The following CCDC91 variants were observed in gnomAD, a reference collection of about 807,000 sequenced individuals.
CCDC91 encodes the protein coiled-coil domain-containing protein 91.
Under a neutral mutation model 63.2 loss-of-function variants are expected in CCDC91, and 48 were observed. That is an observed-to-expected ratio of 0.76 (90% confidence interval 0.60 to 0.97). The LOEUF is 0.97. Among genes scored for constraint, CCDC91 ranks in the 50% least tolerant of loss-of-function variants. CCDC91 has a pLI of 0.00. For synonymous variants in CCDC91, 167 were observed against 165.8 expected, an observed-to-expected ratio of 1.01 and a Z score of -0.06; for missense variants, 500 against 494.6, an observed-to-expected ratio of 1.01 and a Z score of -0.10.
At chr12:28,478,894 C>T (rs1012487901) in intron 11 of CCDC91, among the ~76,000 whole-genome samples, 3 of 151,956 alleles carry the variant, frequency 2.0e-5, no homozygotes, top group African/African-American at 7.2e-5. Context: ...AGAGAAATGC[C>T]AATCAAAACC....
intron 6 of CCDC91, among the ~76,000 whole-genome samples, chr12:28,351,466 T>G (rs1268285366): frequency 1.3e-5 from 2 of 152,214 alleles, no homozygotes; most frequent in African/African-American, 4.8e-5. Flanking sequence ...TTTCTGGACC[T>G]GTGACTCTAG....
intron 11 of CCDC91, among the ~76,000 whole-genome samples, chr12:28,453,488 A>G (rs990486654): frequency 6.6e-6 from 1 of 152,034 alleles, no homozygotes; most frequent in Non-Finnish European, 1.5e-5. Flanking sequence ...AAGCCGTAAA[A>G]AGCTCAAAGT....
chr12:28,307,926 G>A (rs563874382), intron 6 of CCDC91, among the ~76,000 whole-genome samples, 177 bp downstream of exon 6: 1 of 152,080 alleles, frequency 6.6e-6, no homozygotes, highest in East Asian at 1.9e-4. Flanking sequence ...AAAAATATGA[G>A]TCTGTGAGCA....
At chr12:28,336,162 A>C (rs1337184930) in intron 6 of CCDC91, among the ~76,000 whole-genome samples, 1 of 151,972 alleles carries the variant, frequency 6.6e-6, no homozygotes, top group Admixed American at 6.6e-5. Flanking sequence ...ACTCCTAGTC[A>C]CCAGGGCCCT....
chr12:28,202,037 A>G (rs533986182), intron 1 of CCDC91, among the ~76,000 whole-genome samples: 2 of 152,162 alleles, frequency 1.3e-5, no homozygotes, highest in East Asian at 3.9e-4. Flanking sequence ...AGGGTTTTCT[A>G]TGTTTCTTCT....
intron 11 of CCDC91, among the ~76,000 whole-genome samples, chr12:28,468,264 AT>A (rs1383296136): frequency 6.6e-6 from 1 of 151,692 alleles, no homozygotes; most frequent in Non-Finnish European, 1.5e-5. Flanking sequence ...CTGGTATCTC[AT>A]CTAGTATCTA....
chr12:28,501,241 A>G (rs1447101688), intron 12 of CCDC91, among the ~76,000 whole-genome samples: 1 of 151,878 alleles, frequency 6.6e-6, no homozygotes, highest in African/African-American at 2.4e-5. Context: ...TTCCAACACT[A>G]TGTTGAACAG....
intron 3 of CCDC91, among the ~76,000 whole-genome samples, chr12:28,282,739 A>G (rs1948681978): frequency 2.0e-5 from 3 of 151,976 alleles, no homozygotes; most frequent in African/African-American, 4.8e-5. Context: ...TTTTGTTTTT[A>G]CTGCATTTGC....
At chr12:28,377,086 A>T (rs1944994439) in intron 7 of CCDC91, among the ~76,000 whole-genome samples, 1 of 150,512 alleles carries the variant, frequency 6.6e-6, no homozygotes, top group African/African-American at 2.4e-5. Flanking sequence ...AATCTCTTTT[A>T]AGGCAATGAC....
chr12:28,488,626 A>G (rs180948494), intron 12 of CCDC91, among the ~76,000 whole-genome samples: 1 of 152,008 alleles, frequency 6.6e-6, no homozygotes, highest in Admixed American at 6.6e-5. Context: ...TCAAAAAGGT[A>G]ATCTGTAGCC....
intron 6 of CCDC91, among the ~76,000 whole-genome samples, chr12:28,330,005 C>T (rs146148704): frequency 0.011 from 1,660 of 152,184 alleles, 9 homozygotes; most frequent in Middle Eastern, 0.027. Context: ...TTTCTTAATC[C>T]AGTGTGTCTT....
At chr12:28,412,620 G>A (rs1223037642) in intron 8 of CCDC91, 1 of 376,746 alleles carries the variant, frequency 2.7e-6, no homozygotes, top group East Asian at 7.8e-5. Flanking sequence ...AGGTAGCAGG[G>A]CTTATTTTGA....
At chr12:28,260,356 T>A (rs980447997) in intron 3 of CCDC91, among the ~76,000 whole-genome samples, 7 of 151,940 alleles carry the variant, frequency 4.6e-5, no homozygotes, top group African/African-American at 7.2e-5. Context: ...TAGGCAGATA[T>A]GGGAGAATGA....
At chr12:28,235,744 G>A (rs1186081079) in intron 1 of CCDC91, among the ~76,000 whole-genome samples, 1 of 151,928 alleles carries the variant, frequency 6.6e-6, no homozygotes, top group Non-Finnish European at 1.5e-5. Context: ...GAGTGGACTA[G>A]GTCTGAGTAT....
At chr12:28,249,280 G>A (rs908033628) in intron 1 of CCDC91, among the ~76,000 whole-genome samples, 3 of 152,170 alleles carry the variant, frequency 2.0e-5, no homozygotes, top group Non-Finnish European at 4.4e-5. Flanking sequence ...GTCAGCAGAA[G>A]ACAGGTAATT....
At chr12:28,541,673 G>C (rs1942640017) in intron 12 of CCDC91, among the ~76,000 whole-genome samples, 2 of 151,920 alleles carry the variant, frequency 1.3e-5, no homozygotes, top group East Asian at 3.9e-4. Context: ...CTATCCAACA[G>C]ATTGTAATAT....
rs1481907476 is a variant in CCDC91, at chr12:28,387,986, TA to T, written c.655-3317del. ...ACGCTGTTTTCCATAGTGGTTGTACTAGTTTACATTCCCACCAGCAGTGTAA... is the reference window on the plus strand; with the variant it reads ...ACGCTGTTTTCCATAGTGGTTGTACTGTTTACATTCCCACCAGCAGTGTAA... On this transcript the variant is annotated intron_variant, in intron 7 of 12. Transcript: ENST00000536442. 2.0e-5 allele frequency among the ~76,000 whole-genome samples: 3 copies of T among 152,324 alleles called. No homozygotes were observed. The East Asian group carries it at 5.8e-4, about 29-fold the overall frequency.
chr12:28,198,898 G>A (rs1317185243), intron 1 of CCDC91: 2 of 149,688 alleles, frequency 1.3e-5, no homozygotes, highest in Non-Finnish European at 3.0e-5. Context: ...ATTTTCTAAT[G>A]TACCATTTTA....
chr12:28,507,679 T>C (rs1029370783), intron 12 of CCDC91, among the ~76,000 whole-genome samples: 1 of 151,986 alleles, frequency 6.6e-6, no homozygotes, highest in Non-Finnish European at 1.5e-5. Context: ...AGTTAATGTC[T>C]TTTACTGTGC....
Sources: allele counts gnomAD v4.1 joint callset (sites outside exome capture counted in the v4.1 genomes callset), GRCh38; gene constraint gnomAD v4.1.1; transcripts MANE v1.5; gene names NCBI Gene and HGNC (gene_info 2026-07-23, HGNC 2026-07-21).